AKR1D1: variants seen among roughly 807,000 people sequenced by gnomAD.
AKR1D1 encodes delta(4)-3-ketosteroid 5-beta-reductase.
AKR1D1 carries 32 observed loss-of-function variants against 42.6 expected under a neutral mutation model. That is an observed-to-expected ratio of 0.75 (90% confidence interval 0.57 to 1.01). AKR1D1 has a LOEUF of 1.01. Ranked by LOEUF, AKR1D1 falls within the 50% of genes least tolerant of loss-of-function variation. AKR1D1 has a pLI of 0.00. For synonymous variants in AKR1D1, 123 were observed against 135.5 expected (o/e 0.91, Z 0.64); for missense variants, 364 against 402.2 (o/e 0.91, Z 0.81).
rs564371146 is a variant in AKR1D1 at position 138,086,579 on chromosome 7, A to G, written c.94-2022A>G. Among the ~76,000 whole-genome samples the G allele has an allele frequency of 6.6e-5, 10 of 152,306 alleles. No individual in the cohort carries two copies. In the South Asian group the frequency reaches 1.2e-3, roughly 19 times the overall value. ...TGACTTCCAACTGTAGCAGGGGGAA[A>G]AAATACAATATATGTCCCCAAGGCT... On this transcript the variant is annotated intron_variant, in intron 1 of 8. Transcript: ENST00000242375.
In AKR1D1 at chr7:138,088,701, G is replaced by A. The variant is rs1177355175; in HGVS notation, c.194G>A (p.Gly65Glu). 1.2e-6 allele frequency: 2 copies of A among 1,613,792 alleles called. No individual in the cohort carries two copies. The highest frequency in any genetic ancestry group is 8.5e-7 in the Non-Finnish European group (1 of 1,179,904). ...ATCTACCAAAATGAACACGAAGTTG[G>A]GGAGGCCATCAGGGAGAAGATAGCA... ...AYIYQNEHEVGEAIREKIAEG... is the reference protein window; with the variant it reads ...AYIYQNEHEVEEAIREKIAEG... Residue 65 changes from glycine (G) to glutamate (E), a missense_variant, in exon 2 of 9, where the codon GGG (glycine) becomes GAG (glutamate). Gly to Glu is a moderately conservative substitution (Grantham distance 98). Transcript: ENST00000242375.
chr7:138,107,302 C>A, intron 6 of AKR1D1, 113 bp from the exon 7 acceptor site: 1 of 1,088,866 alleles, frequency 9.2e-7, no homozygotes, highest in Non-Finnish European at 1.4e-6. Flanking sequence ...AGGTGACCTG[C>A]AGTGTCCTGG....
At chr7:138,112,264 A>G (rs1341699140) in intron 7 of AKR1D1, among the ~76,000 whole-genome samples, 2 of 152,190 alleles carry the variant, frequency 1.3e-5, no homozygotes, top group African/African-American at 4.8e-5. Flanking sequence ...TTTATAGGCG[A>G]TTCATTCATT....
At chr7:138,096,063 G>A (rs1585730443) in intron 3 of AKR1D1, among the ~76,000 whole-genome samples, 1 of 151,830 alleles carries the variant, frequency 6.6e-6, no homozygotes, top group East Asian at 2.0e-4. Flanking sequence ...AAATTAGCTA[G>A]GTGTGGTGGT....
chr7:138,093,318 C>T (rs1406764944), intron 3 of AKR1D1, among the ~76,000 whole-genome samples: 2 of 152,080 alleles, frequency 1.3e-5, no homozygotes, highest in African/African-American at 4.8e-5. Context: ...CCGCCCACCT[C>T]GGCCTCCCAA....
At chr7:138,077,195 A>G (rs1031430324) in intron 1 of AKR1D1, among the ~76,000 whole-genome samples, 1 of 152,186 alleles carries the variant, frequency 6.6e-6, no homozygotes, top group Non-Finnish European at 1.5e-5. Context: ...TATTAAAGAC[A>G]TACCCTAGAG....
intron 8 of AKR1D1, among the ~76,000 whole-genome samples, chr7:138,116,114 AG>A (rs1296184517): frequency 6.6e-6 from 1 of 152,062 alleles, no homozygotes; most frequent in African/African-American, 2.4e-5. Flanking sequence ...CAGGAGTTTG[AG>A]GCTGCAGTGA....
intron 1 of AKR1D1, among the ~76,000 whole-genome samples, chr7:138,081,237 T>A (rs953430127): frequency 6.6e-6 from 1 of 152,218 alleles, no homozygotes; most frequent in African/African-American, 2.4e-5. Flanking sequence ...TCAAGAGTTA[T>A]GCTGGCAGTG....
Position 138,091,797 on chromosome 7 carries a change from G to T in AKR1D1, c.291G>T (p.Met97Ile). Residue 97 changes from methionine (M) to isoleucine (I), a missense_variant, in exon 3 of 9, where the codon ATG becomes ATT. Transcript: ENST00000242375. ...KLWATNHVPE[M>I]VRPTLERTLR... ...GGGCTACAAATCATGTCCCAGAGAT[G>T]GTCCGCCCAACCCTGGAGAGGACAC... 6.2e-7 allele frequency: 1 copy of T among 1,613,824 alleles called. No homozygotes were observed. The highest frequency in any genetic ancestry group is 8.5e-7 in the Non-Finnish European group (1 of 1,179,738).
intron 1 of AKR1D1, among the ~76,000 whole-genome samples, chr7:138,081,945 A>T (rs796624574): frequency 2.0e-5 from 3 of 152,300 alleles, no homozygotes; most frequent in African/African-American, 7.2e-5. Context: ...CTGTGAAATT[A>T]GTCTCCCTAC....
chr7:138,097,841 T>C, intron 3 of AKR1D1, 25 bp from the exon 4 acceptor site: 1 of 1,429,110 alleles, frequency 7.0e-7, no homozygotes, highest in Non-Finnish European at 9.5e-7. Flanking sequence ...ATGAATTACA[T>C]TTATTCTTTT....
chr7:138,106,893 C>T (rs895723041), intron 6 of AKR1D1, among the ~76,000 whole-genome samples, 176 bp downstream of exon 6: 1 of 152,104 alleles, frequency 6.6e-6, no homozygotes. Context: ...AAATTGATTA[C>T]ATTATAGGTA....
chr7:138,105,616 GC>G (rs1172143557), intron 5 of AKR1D1, among the ~76,000 whole-genome samples, 187 bp downstream of exon 5: 1 of 152,178 alleles, frequency 6.6e-6, no homozygotes, highest in Non-Finnish European at 1.5e-5. Flanking sequence ...GGGGCCTGGT[GC>G]GGTGGCTCAC....
intron 1 of AKR1D1, among the ~76,000 whole-genome samples, chr7:138,085,457 T>A (rs1470861105): frequency 6.7e-6 from 1 of 149,820 alleles, no homozygotes. Flanking sequence ...TTTTTTTTTT[T>A]TTTTTGAGAC....
chr7:138,102,578 T>C lies in AKR1D1; in HGVS notation c.457-2729T>C, dbSNP rs538489219. Among the ~76,000 whole-genome samples the C allele has an allele frequency of 2.0e-5, 3 of 152,208 alleles. No homozygotes were observed. The South Asian group carries it at 6.2e-4, about 32-fold the overall frequency. On this transcript the variant is annotated intron_variant, in intron 4 of 8. Coordinates refer to ENST00000242375, the MANE Select transcript of AKR1D1 (RefSeq NM_005989.4). ...ACTCCATCTCAAAAATAAAAAGCAA[T>C]AAGTTTGGAGGGCTTATACTAATTT... is the stretch of plus-strand genomic sequence containing the variant.
intron 4 of AKR1D1, among the ~76,000 whole-genome samples, chr7:138,104,423 C>T (rs1026208968): frequency 1.9e-4 from 29 of 151,698 alleles, no homozygotes; most frequent in South Asian, 1.3e-3. Flanking sequence ...GCCAGCCAGG[C>T]GCAGTGGCTC....
chr7:138,099,941 G>A (rs13244061), intron 4 of AKR1D1, among the ~76,000 whole-genome samples: 43,757 of 150,200 alleles, frequency 0.29, 8,124 homozygotes, highest in Non-Finnish European at 0.41. Context: ...GGAATATCAC[G>A]GGTGAGGTGA....
chr7:138,112,480 C>T (rs528156083), intron 7 of AKR1D1, among the ~76,000 whole-genome samples: 3 of 152,220 alleles, frequency 2.0e-5, no homozygotes, highest in Admixed American at 2.0e-4. Flanking sequence ...AGAACTATCA[C>T]TGGGGTCACT....
At chr7:138,092,587 C>T (rs926315021) in intron 3 of AKR1D1, among the ~76,000 whole-genome samples, 1 of 152,114 alleles carries the variant, frequency 6.6e-6, no homozygotes, top group Non-Finnish European at 1.5e-5. Context: ...ATGAATAAAA[C>T]GCAAACACGT....
Sources: gnomAD v4.1 joint callset for allele counts (sites outside exome capture counted in the v4.1 genomes callset) on GRCh38, gnomAD v4.1.1 for gene constraint, MANE v1.5 for transcripts, NCBI Gene and HGNC (gene_info 2026-07-23, HGNC 2026-07-21) for gene names.